TANGO6: variants seen among roughly 807,000 people sequenced by gnomAD.
TANGO6 encodes the protein transport and Golgi organization protein 6 homolog.
TANGO6 carries 90 observed loss-of-function variants against 114.2 expected under a neutral mutation model. The ratio of observed to expected loss-of-function variants is 0.79; its 90% CI spans 0.66 to 0.94. The LOEUF is 0.94. TANGO6 is among the 40% of genes least tolerant of loss of function. The pLI is 0.00. For missense variants in TANGO6, 1,274 were observed against 1,315.3 expected (o/e 0.97, Z 0.49); for synonymous variants, 477 against 509.8 (o/e 0.94, Z 0.87).
In TANGO6 at chr16:68,867,153, C is replaced by A. The variant is rs753390536; in HGVS notation, c.927C>A (p.Leu309=). 39 of 1,613,780 alleles carry A rather than the reference C, an allele frequency of 2.4e-5. No homozygotes were observed. Among genetic ancestry groups the A allele is most frequent in the Non-Finnish European group, 3.1e-5 (36 of 1,179,888 alleles). The part of the protein sequence containing the change: ...AWLRRLCGQL[L]SERLMRPNGV... ...TTCGGCGTCTATGTGGACAGCTGCT[C>A]TCTGAAAGGTTAATGAGACCTAATG... Residue 309 remains leucine, a synonymous_variant, in exon 4 of 18, where the codon CTC becomes CTA. Transcript: ENST00000261778.
At chr16:68,854,557 A>G (rs1055597869) in intron 1 of TANGO6, among the ~76,000 whole-genome samples, 2 of 151,200 alleles carry the variant, frequency 1.3e-5, no homozygotes, top group Non-Finnish European at 2.9e-5. Context: ...TATAGTTTAG[A>G]TTTTGTATTT....
intron 9 of TANGO6, among the ~76,000 whole-genome samples, chr16:68,907,171 T>G (rs530906959): frequency 1.3e-5 from 2 of 150,902 alleles, no homozygotes; most frequent in South Asian, 4.2e-4. Flanking sequence ...ATGGTTTTTG[T>G]CTCCTGACCT....
rs76227533 is a variant in TANGO6 at position 69,006,846 on chromosome 16, T to G, written c.2843-15982T>G. Among the ~76,000 whole-genome samples, 486 of 152,322 alleles carry G rather than the reference T, an allele frequency of 3.2e-3. 4 individuals are homozygous for G. The highest frequency in any genetic ancestry group is 0.011 in the African/African-American group (470 of 41,556). ...AGTGTACACCTCAATGTTGTTGTTG[T>G]ATGCTCACAGGGTTGTATGCTCACC... On this transcript the variant is annotated intron_variant, in intron 15 of 17. Transcript: ENST00000261778.
At chr16:68,919,021 G>T in intron 11 of TANGO6, 64 bp from the exon 12 acceptor site, 3 of 1,536,810 alleles carry the variant, frequency 2.0e-6, no homozygotes, top group Non-Finnish European at 2.6e-6. Flanking sequence ...GACATAAGAT[G>T]TAAGGAGAAT....
At chr16:68,969,270 T>A (rs1226161956) in intron 14 of TANGO6, among the ~76,000 whole-genome samples, 1 of 152,148 alleles carries the variant, frequency 6.6e-6, no homozygotes, top group Non-Finnish European at 1.5e-5. Flanking sequence ...TTATCAAGTG[T>A]GATGGGCCCA....
intron 15 of TANGO6, among the ~76,000 whole-genome samples, chr16:68,980,435 A>ATTTTTTTTTTT (rs1291932299): frequency 1.6e-5 from 1 of 61,812 alleles, no homozygotes; most frequent in African/African-American, 7.2e-5. Flanking sequence ...ATATATATAT[A>ATTTTTTTTTTT]TTTTTTTTTT....
chr16:69,069,103 G>C (rs1236625839), intron 17 of TANGO6, among the ~76,000 whole-genome samples: 12 of 152,148 alleles, frequency 7.9e-5, no homozygotes, highest in South Asian at 2.1e-4. Flanking sequence ...GATCACTGGG[G>C]TTCCTAGAAG....
intron 9 of TANGO6, among the ~76,000 whole-genome samples, chr16:68,904,060 G>A (rs1384619334): frequency 6.6e-6 from 1 of 152,058 alleles, no homozygotes; most frequent in Non-Finnish European, 1.5e-5. Flanking sequence ...ATTTTAAAGC[G>A]TGACTAAAGT....
chr16:68,912,911 CAAAAA>C (rs554300938), intron 11 of TANGO6, among the ~76,000 whole-genome samples: 1 of 81,872 alleles, frequency 1.2e-5, no homozygotes, highest in African/African-American at 4.4e-5. Flanking sequence ...CCCCATCTCT[CAAAAA>C]AAAAAAAAAA....
chr16:68,878,289 G>C lies in TANGO6; in HGVS notation c.1294+9G>C, dbSNP rs777022911. On this transcript the variant is annotated intron_variant, in intron 6 of 17. Transcript: ENST00000261778. ...ATGTTTGAATACAGCAGGTAAAGGA[G>C]GAAGTGTGGTGGCTGTGTGTGCCTC... The C allele has an allele frequency of 6.3e-7, 1 of 1,585,332 alleles. No homozygotes were observed. The highest frequency in any genetic ancestry group is 1.8e-5 in the Admixed American group (1 of 55,248).
At chr16:68,933,566 G>T (rs542763576) in intron 14 of TANGO6, among the ~76,000 whole-genome samples, 1 of 152,356 alleles carries the variant, frequency 6.6e-6, no homozygotes, top group South Asian at 2.1e-4. Flanking sequence ...GCCAGCTGTG[G>T]TAGCTGTGCT....
At chr16:68,904,397 A>G (rs1445067672) in intron 9 of TANGO6, among the ~76,000 whole-genome samples, 1 of 152,196 alleles carries the variant, frequency 6.6e-6, no homozygotes, top group Non-Finnish European at 1.5e-5. Flanking sequence ...TGTTGTGGAG[A>G]AAACATGACT....
At chr16:69,037,954 C>G (rs1216052556) in intron 16 of TANGO6, among the ~76,000 whole-genome samples, 1 of 152,188 alleles carries the variant, frequency 6.6e-6, no homozygotes, top group Non-Finnish European at 1.5e-5. Context: ...AAAAATACAA[C>G]CTGTATAGTT....
intron 7 of TANGO6, among the ~76,000 whole-genome samples, chr16:68,881,651 T>C (rs1962463846): frequency 6.6e-6 from 1 of 152,226 alleles, no homozygotes; most frequent in South Asian, 2.1e-4. Context: ...GAATAAATGA[T>C]TCCTGCAAAT....
intron 1 of TANGO6, among the ~76,000 whole-genome samples, chr16:68,856,961 T>G (rs1962005498): frequency 6.6e-6 from 1 of 152,028 alleles, no homozygotes; most frequent in African/African-American, 2.4e-5. Context: ...TACAAAAAAT[T>G]AGCCAGGCAT....
Position 68,944,558 on chromosome 16 carries a change from C to T in TANGO6, c.2701+14263C>T, listed in dbSNP as rs576738838. 2.0e-5 allele frequency among the ~76,000 whole-genome samples: 3 copies of T among 152,242 alleles called. No homozygotes were observed. The South Asian group carries it at 6.2e-4, about 32-fold the overall frequency. ...AGAGGAGGAAAGACCCTTCTCTAAG[C>T]AAATCCCAAACAAAACAGAACTTTA... On this transcript the variant is annotated intron_variant, in intron 14 of 17. Coordinates refer to ENST00000261778, the MANE Select transcript of TANGO6 (RefSeq NM_024562.2).
At chr16:69,039,104 G>A (rs1297026722) in intron 16 of TANGO6, among the ~76,000 whole-genome samples, 1 of 152,088 alleles carries the variant, frequency 6.6e-6, no homozygotes, top group Non-Finnish European at 1.5e-5. Flanking sequence ...AGAATGGCGT[G>A]AACCCGGGAA....
intron 7 of TANGO6, 25 bp from the exon 8 acceptor site, chr16:68,900,409 T>G (rs1395818307): frequency 6.2e-7 from 1 of 1,600,932 alleles, no homozygotes. Flanking sequence ...CATGGGATTA[T>G]TCTTCACCAT....
intron 7 of TANGO6, among the ~76,000 whole-genome samples, chr16:68,886,853 G>T (rs1962546467): frequency 6.6e-6 from 1 of 151,046 alleles, no homozygotes; most frequent in Non-Finnish European, 1.5e-5. Context: ...TGTCACGCAG[G>T]CTGGAGTGCA....
Sources: allele counts gnomAD v4.1 joint callset (sites outside exome capture counted in the v4.1 genomes callset), GRCh38; gene constraint gnomAD v4.1.1; transcripts MANE v1.5; gene names NCBI Gene and HGNC (gene_info 2026-07-23, HGNC 2026-07-21).